MAP4: variants seen among roughly 807,000 people sequenced by gnomAD.
MAP4 encodes the protein microtubule associated protein 4.
MAP4 carries 76 observed loss-of-function variants against 170.2 expected under a neutral mutation model. That is an observed-to-expected ratio of 0.45 (90% CI 0.37 to 0.54). MAP4 has a LOEUF of 0.54. Ranked by LOEUF, MAP4 falls within the 20% of genes least tolerant of loss-of-function variation. MAP4 has a pLI of 0.00. For synonymous variants in MAP4, 909 were observed against 994.5 expected, an observed-to-expected ratio of 0.91 and a Z score of 1.62; for missense variants, 2,506 against 2,748.0, an observed-to-expected ratio of 0.91 and a Z score of 1.97.
intron 2 of MAP4, among the ~76,000 whole-genome samples, chr3:47,987,908 A>G (rs2100089752): frequency 6.6e-6 from 1 of 152,114 alleles, no homozygotes; most frequent in African/African-American, 2.4e-5. Flanking sequence ...CTTTAAAAGA[A>G]GGCAGGCCGG....
At chr3:48,010,230 A>G (rs1311241524) in intron 1 of MAP4, among the ~76,000 whole-genome samples, 1 of 152,206 alleles carries the variant, frequency 6.6e-6, no homozygotes, top group East Asian at 1.9e-4. Flanking sequence ...GGGGAAGGCA[A>G]AGTTAATACA....
intron 1 of MAP4, among the ~76,000 whole-genome samples, chr3:48,059,567 A>G (rs1258606606): frequency 3.9e-5 from 6 of 152,052 alleles, no homozygotes; most frequent in South Asian, 2.1e-4. Flanking sequence ...CAACATTACA[A>G]TAATGGCAAG....
At chr3:47,853,046 A>G in intron 20 of MAP4, 108 bp from the exon 21 acceptor site, 1 of 1,614,230 alleles carries the variant, frequency 6.2e-7, no homozygotes, top group Admixed American at 1.7e-5. Flanking sequence ...ATGCCTGGAA[A>G]ATAAAAGGTT....
chr3:48,055,827 T>A (rs1196492841), intron 1 of MAP4, among the ~76,000 whole-genome samples: 28 of 136,130 alleles, frequency 2.1e-4, no homozygotes, highest in Admixed American at 1.3e-3. Context: ...GCCCATAGTC[T>A]GAGACGTGGG....
chr3:47,867,271 A>G lies in MAP4; in HGVS notation c.6476T>C (p.Ile2159Thr), dbSNP rs1477892982. Residue 2159 changes from isoleucine (I) to threonine (T), a missense_variant, in exon 17 of 21, where the codon ATT (isoleucine) becomes ACT (threonine). Ile to Thr is a moderately conservative substitution (Grantham distance 89, BLOSUM62 -1). This residue lies in a region of MAP4 where 487 missense variants were observed against 511.6 expected (regional missense o/e 0.95). Coordinates refer to ENST00000683076, the MANE Select transcript of MAP4 (RefSeq NM_001385682.1). Reference protein sequence around the residue: ...IQSKCGSKDNIKHVPGGGNVQ... With the variant: ...IQSKCGSKDNTKHVPGGGNVQ... ...ATTACCACCTCCAGGGACATGCTTAATATTGTCCTTGGAACCACACTTGGA... is the reference window on the plus strand; with the variant it reads ...ATTACCACCTCCAGGGACATGCTTAGTATTGTCCTTGGAACCACACTTGGA... 2 of 1,613,298 alleles carry G rather than the reference A, an allele frequency of 1.2e-6. No homozygotes were observed. The highest frequency in any genetic ancestry group is 1.7e-6 in the Non-Finnish European group (2 of 1,179,370).
At chr3:48,077,065 T>C (rs2100144310) in intron 1 of MAP4, among the ~76,000 whole-genome samples, 1 of 152,158 alleles carries the variant, frequency 6.6e-6, no homozygotes, top group African/African-American at 2.4e-5. Context: ...AAGAATCACC[T>C]GAGCCCTGGA....
At chr3:48,022,226 G>A (rs991940387) in intron 1 of MAP4, among the ~76,000 whole-genome samples, 1 of 152,102 alleles carries the variant, frequency 6.6e-6, no homozygotes, top group Non-Finnish European at 1.5e-5. Flanking sequence ...ATAACATGGC[G>A]AATATTTTCA....
At chr3:47,903,470 G>C (rs1032810617) in intron 9 of MAP4, among the ~76,000 whole-genome samples, 2 of 151,416 alleles carry the variant, frequency 1.3e-5, no homozygotes, top group East Asian at 2.0e-4. Flanking sequence ...GAGGCAGAGC[G>C]TGCAGTGAGC....
intron 2 of MAP4, among the ~76,000 whole-genome samples, chr3:47,984,602 AGAGCAGATG>A: frequency 6.7e-6 from 1 of 150,256 alleles, no homozygotes; most frequent in South Asian, 2.1e-4. Context: ...GAGGGTGGGG[AGAGCAGATG>A]GCTTGAGCCC....
At chr3:48,034,633 G>T (rs1166326816) in intron 1 of MAP4, among the ~76,000 whole-genome samples, 3 of 152,188 alleles carry the variant, frequency 2.0e-5, no homozygotes, top group East Asian at 1.9e-4. Flanking sequence ...GAACCTGGAG[G>T]GGGAGGTTGC....
chr3:48,035,747 C>T (rs1259933911), intron 1 of MAP4, among the ~76,000 whole-genome samples: 1 of 152,070 alleles, frequency 6.6e-6, no homozygotes, highest in Non-Finnish European at 1.5e-5. Flanking sequence ...CGAGATCAGC[C>T]TGGCCAACAT....
intron 3 of MAP4, among the ~76,000 whole-genome samples, chr3:47,951,070 A>G (rs1323440046): frequency 6.6e-6 from 1 of 152,232 alleles, no homozygotes; most frequent in African/African-American, 2.4e-5. Flanking sequence ...TAGCTATTTT[A>G]CAATTAAGAC....
At chr3:47,905,610 T>G (rs1437698870) in intron 9 of MAP4, among the ~76,000 whole-genome samples, 2 of 149,952 alleles carry the variant, frequency 1.3e-5, no homozygotes, top group African/African-American at 4.9e-5. Flanking sequence ...TGAAAAATAT[T>G]AATAGAAGAG....
intron 10 of MAP4, among the ~76,000 whole-genome samples, chr3:47,896,009 G>T (rs371290767): frequency 1.3e-5 from 2 of 151,880 alleles, no homozygotes; most frequent in East Asian, 3.9e-4. Flanking sequence ...AATCTGGGGT[G>T]GGGGGGCGGT....
upstream of MAP4, among the ~76,000 whole-genome samples, chr3:48,018,376 T>C (rs1026516186): frequency 6.6e-6 from 1 of 152,190 alleles, no homozygotes; most frequent in Non-Finnish European, 1.5e-5. Context: ...ATTTCTAAAA[T>C]GACACGATGA....
At chr3:47,965,969 T>C (rs2100074641) in intron 3 of MAP4, among the ~76,000 whole-genome samples, 1 of 152,162 alleles carries the variant, frequency 6.6e-6, no homozygotes, top group African/African-American at 2.4e-5. Context: ...TCATGAAGAT[T>C]TCCCTCTATG....
chr3:47,877,145 G>T, intron 11 of MAP4: 1 of 298,156 alleles, frequency 3.4e-6, no homozygotes, highest in Non-Finnish European at 6.4e-6. Flanking sequence ...CCAAAGTGCT[G>T]AGATTACAGG....
chr3:47,993,408 T>C (rs994796542), intron 2 of MAP4, among the ~76,000 whole-genome samples: 4 of 152,118 alleles, frequency 2.6e-5, no homozygotes, highest in Non-Finnish European at 5.9e-5. Flanking sequence ...CAATATCAAT[T>C]TGAGAGGAAA....
chr3:48,056,156 A>T (rs2100131266), intron 1 of MAP4, among the ~76,000 whole-genome samples: 1 of 122,768 alleles, frequency 8.1e-6, no homozygotes, highest in Non-Finnish European at 1.8e-5. Flanking sequence ...CCCATCCGGG[A>T]GGGAGGTGGG....
Sources: allele counts gnomAD v4.1 joint callset (sites outside exome capture counted in the v4.1 genomes callset), GRCh38; gene constraint gnomAD v4.1.1; regional missense constraint gnomAD v4.1.1; transcripts MANE v1.5; gene names NCBI Gene and HGNC (gene_info 2026-07-23, HGNC 2026-07-21).